The following TENM1 variants were observed in gnomAD, a reference collection of about 807,000 sequenced individuals.
The protein encoded by TENM1 is teneurin transmembrane protein 1, also known as teneurin-1.
A neutral mutation model predicts 174.8 loss-of-function variants in TENM1; 35 were observed. The observed-to-expected ratio is 0.20, with a 90% CI of 0.15 to 0.27. TENM1 has a LOEUF of 0.27. Ranked by LOEUF, TENM1 falls within the 10% of genes least tolerant of loss-of-function variation. TENM1 has a pLI of 1.00. For synonymous variants in TENM1, 781 were observed against 798.7 expected (o/e 0.98, Z 0.37); for missense variants, 1,633 against 2,130.1 (o/e 0.77, Z 4.59).
chrX:124,503,531 T>C, intron 19 of TENM1, 29 bp downstream of exon 22: 1 of 1,174,880 alleles, frequency 8.5e-7, no homozygotes, highest in Non-Finnish European at 1.1e-6. Flanking sequence ...AGGAAAGTAG[T>C]ATTCATACAA....
At chrX:124,793,044 G>A (rs1169363760) in intron 3 of TENM1, among the ~76,000 whole-genome samples, 1 of 111,778 alleles carries the variant, frequency 8.9e-6, no homozygotes, top group Non-Finnish European at 1.9e-5. Context: ...AAATGACTCT[G>A]AACCTGGAAC....
chrX:124,955,311 C>G (rs2058553898), intron 1 of TENM1, among the ~76,000 whole-genome samples: 1 of 111,492 alleles, frequency 9.0e-6, no homozygotes, highest in Non-Finnish European at 1.9e-5. Flanking sequence ...GGGGAACAGT[C>G]TTGGAATTGA....
intron 14 of TENM1, among the ~76,000 whole-genome samples, chrX:124,559,654 C>T (rs987600703): frequency 4.5e-5 from 5 of 110,229 alleles, no homozygotes; most frequent in Non-Finnish European, 5.7e-5. Flanking sequence ...GGAGACAGAA[C>T]AAGACCCTGT....
intron 26 of TENM1, 66 bp downstream of exon 29, chrX:124,406,251 G>A (rs2060460685): frequency 4.6e-6 from 4 of 874,572 alleles, no homozygotes; most frequent in Admixed American, 2.5e-5. Context: ...AATGGTGTAC[G>A]CAGGTTTCAA....
At chrX:124,854,240 G>A (rs1017924282) in intron 3 of TENM1, among the ~76,000 whole-genome samples, 4 of 111,567 alleles carry the variant, frequency 3.6e-5, no homozygotes, top group African/African-American at 1.3e-4. Flanking sequence ...TATTCTAAGT[G>A]AAGTAACTCA....
chrX:124,830,999 T>C (rs916613478), intron 3 of TENM1, among the ~76,000 whole-genome samples: 1 of 111,965 alleles, frequency 8.9e-6, no homozygotes, highest in African/African-American at 3.2e-5. Context: ...GATGATTTAG[T>C]GCAGGGCCAG....
the TENM1 span, among the ~76,000 whole-genome samples, chrX:125,057,613 T>C: frequency 9.0e-6 from 1 of 111,585 alleles, no homozygotes; most frequent in Non-Finnish European, 1.9e-5. Context: ...GTAAAGACCC[T>C]TATGTGTTAT....
chrX:124,712,111 T>A (rs1341277460), intron 4 of TENM1, among the ~76,000 whole-genome samples: 1 of 112,403 alleles, frequency 8.9e-6, no homozygotes, highest in Non-Finnish European at 1.9e-5. Flanking sequence ...CTTAGGTTGC[T>A]TCCACCTGTT....
intron 11 of TENM1, among the ~76,000 whole-genome samples, chrX:124,601,362 T>C (rs1224739016): frequency 2.7e-5 from 3 of 110,678 alleles, no homozygotes; most frequent in Non-Finnish European, 3.8e-5. Flanking sequence ...AGAGCACTGG[T>C]GAAGGGACTG....
intron 11 of TENM1, among the ~76,000 whole-genome samples, chrX:124,594,549 G>T (rs896260125): frequency 2.7e-5 from 3 of 111,450 alleles, no homozygotes; most frequent in Admixed American, 1.9e-4. Context: ...TTCTCACTGG[G>T]TCCTCCAGGA....
At chrX:124,738,822 C>T (rs945261589) in intron 3 of TENM1, among the ~76,000 whole-genome samples, 2 of 111,950 alleles carry the variant, frequency 1.8e-5, no homozygotes, top group East Asian at 5.6e-4. Context: ...TGGAGATGCT[C>T]TCATTTTGCA....
intron 14 of TENM1, among the ~76,000 whole-genome samples, chrX:124,560,021 T>C (rs1428422441): frequency 9.1e-6 from 1 of 110,003 alleles, no homozygotes; most frequent in East Asian, 2.9e-4. Flanking sequence ...AAAAGGTATA[T>C]AATGAAAAAG....
At chrX:124,926,374 C>T (rs927484060) in intron 1 of TENM1, among the ~76,000 whole-genome samples, 2 of 111,953 alleles carry the variant, frequency 1.8e-5, no homozygotes, top group African/African-American at 3.2e-5. Context: ...ATAAAAGTAA[C>T]GTGTGGGAAG....
chrX:125,112,946 C>T, the TENM1 span, among the ~76,000 whole-genome samples: 15,771 of 109,860 alleles, frequency 0.14, 1,650 homozygotes, highest in African/African-American at 0.37. Context: ...TAGAAATTGA[C>T]GAGCCAATTT....
At chrX:125,142,623 C>G in the TENM1 span, among the ~76,000 whole-genome samples, 1 of 111,020 alleles carries the variant, frequency 9.0e-6, no homozygotes, top group African/African-American at 3.3e-5. Context: ...AACATGACAT[C>G]TTTCCATTAA....
At chrX:124,677,644 C>A (rs1246758111) in intron 5 of TENM1, among the ~76,000 whole-genome samples, 5 of 111,185 alleles carry the variant, frequency 4.5e-5, no homozygotes, top group African/African-American at 1.6e-4. Flanking sequence ...TTAGAACAAC[C>A]AATATACCCA....
intron 18 of TENM1, among the ~76,000 whole-genome samples, chrX:124,512,138 T>C (rs1425034947): frequency 9.0e-6 from 1 of 111,642 alleles, no homozygotes; most frequent in Non-Finnish European, 1.9e-5. Context: ...ATTGATAATG[T>C]ATGCAGACAC....
intron 7 of TENM1, 26 bp from the exon 11 acceptor site, chrX:124,652,150 G>C: frequency 8.3e-7 from 1 of 1,200,193 alleles, no homozygotes; most frequent in Non-Finnish European, 1.1e-6. Flanking sequence ...ACATGAAGAT[G>C]AGCCACTACT....
chrX:124,414,973 C>T (rs1010353362), intron 25 of TENM1, among the ~76,000 whole-genome samples: 13 of 111,445 alleles, frequency 1.2e-4, no homozygotes, highest in African/African-American at 3.9e-4. Flanking sequence ...CCTTTTACCT[C>T]GGGGAATTAC....
Sources: gnomAD v4.1 joint callset for allele counts (sites outside exome capture counted in the v4.1 genomes callset) on GRCh38, gnomAD v4.1.1 for gene constraint, MANE v1.5 for transcripts, NCBI Gene and HGNC (gene_info 2026-07-23, HGNC 2026-07-21) for gene names.